AP3S2: variants seen among roughly 807,000 people sequenced by gnomAD.
AP3S2 encodes AP-3 complex subunit sigma-2.
A neutral mutation model predicts 23.4 loss-of-function variants in AP3S2; 22 were observed. That is an observed-to-expected ratio of 0.94 (90% CI 0.67 to 1.34). The LOEUF (loss-of-function observed/expected upper bound fraction) is 1.34, where lower values mean the gene tolerates loss of function less well. Among genes scored for constraint, AP3S2 ranks in the 40% most tolerant of loss-of-function variants. AP3S2 has a pLI of 0.00. For missense variants in AP3S2, 241 were observed against 236.9 expected (o/e 1.02, Z -0.11); for synonymous variants, 86 against 87.1 (o/e 0.99, Z 0.07).
At chr15:89,843,463 C>A (rs1398076290) in intron 4 of AP3S2, among the ~76,000 whole-genome samples, 1 of 151,748 alleles carries the variant, frequency 6.6e-6, no homozygotes, top group Non-Finnish European at 1.5e-5. Context: ...CATGGTGAAA[C>A]CCCGTCTCTA....
intron 4 of AP3S2, among the ~76,000 whole-genome samples, chr15:89,847,580 G>A (rs116745754): frequency 2.0e-5 from 3 of 151,944 alleles, no homozygotes; most frequent in Admixed American, 6.6e-5. Context: ...GCTCTTCAAG[G>A]GTTCCATCCC....
intron 3 of AP3S2, among the ~76,000 whole-genome samples, chr15:89,886,894 A>G (rs936983719): frequency 6.6e-5 from 10 of 152,156 alleles, no homozygotes; most frequent in African/African-American, 2.4e-4. Flanking sequence ...TCCTGGGTTC[A>G]TGCGATTCTC....
At chr15:89,887,061 G>A (rs1303879223) in intron 3 of AP3S2, among the ~76,000 whole-genome samples, 1 of 152,128 alleles carries the variant, frequency 6.6e-6, no homozygotes, top group African/African-American at 2.4e-5. Context: ...CTCCCAAAGT[G>A]CTGGGATTAC....
At chr15:89,879,059 C>T (rs888361748) in intron 3 of AP3S2, among the ~76,000 whole-genome samples, 5 of 152,116 alleles carry the variant, frequency 3.3e-5, no homozygotes, top group African/African-American at 1.2e-4. Flanking sequence ...CTAATTTTTT[C>T]GTAGAGACAA....
intron 4 of AP3S2, among the ~76,000 whole-genome samples, chr15:89,868,627 C>T (rs1387904182): frequency 6.8e-5 from 8 of 116,950 alleles, no homozygotes; most frequent in Non-Finnish European, 1.1e-4. Flanking sequence ...CGCCTCTGCC[C>T]GGCCGCCCCT....
At chr15:89,872,285 A>G (rs1270690491) in intron 3 of AP3S2, among the ~76,000 whole-genome samples, 1 of 152,168 alleles carries the variant, frequency 6.6e-6, no homozygotes, top group African/African-American at 2.4e-5. Flanking sequence ...ACTTCAAAAC[A>G]TCTTCCCTTT....
At chr15:89,865,439 T>G (rs924612686) in intron 4 of AP3S2, 1 of 152,214 alleles carries the variant, frequency 6.6e-6, no homozygotes, top group African/African-American at 2.4e-5. Flanking sequence ...TTCTAATGAT[T>G]ACCACACTGA....
chr15:89,855,475 A>G (rs1336511677), intron 4 of AP3S2, among the ~76,000 whole-genome samples: 1 of 126,908 alleles, frequency 7.9e-6, no homozygotes, highest in Non-Finnish European at 1.6e-5. Flanking sequence ...CTATTGTCCC[A>G]TGACCCTGCC....
In AP3S2 at chr15:89,888,595, G is replaced by A; in HGVS notation, c.199C>T (p.His67Tyr). 4 of 1,614,186 alleles carry A rather than the reference G, an allele frequency of 2.5e-6. No homozygotes were observed. The highest frequency in any genetic ancestry group is 3.4e-6 in the Non-Finnish European group (4 of 1,180,038). Reference sequence around the variant, plus strand: ...AATACAAAGTAGAGGGTAGCATAGTGCCGGTAGATCAGTTTGTAGTCAGAG... The same window carrying A: ...AATACAAAGTAGAGGGTAGCATAGTACCGGTAGATCAGTTTGTAGTCAGAG... ...GGSDYKLIYR[H>Y]YATLYFVFCV... Residue 67 changes from histidine (H) to tyrosine (Y), a missense_variant, in exon 3 of 6, where the codon CAC (histidine) becomes TAC (tyrosine). Transcript: ENST00000336418.
At chr15:89,882,127 ACTCT>A (rs1455236770) in intron 3 of AP3S2, among the ~76,000 whole-genome samples, 1 of 151,830 alleles carries the variant, frequency 6.6e-6, no homozygotes, top group Non-Finnish European at 1.5e-5. Context: ...TGGCTAACAT[ACTCT>A]TTCTAAATAT....
intron 4 of AP3S2, among the ~76,000 whole-genome samples, chr15:89,841,034 G>C (rs1895318261): frequency 6.6e-6 from 1 of 152,162 alleles, no homozygotes; most frequent in African/African-American, 2.4e-5. Flanking sequence ...ATGAATGAAA[G>C]GCTTTCCATA....
At chr15:89,854,570 G>T (rs1450848038) in intron 4 of AP3S2, among the ~76,000 whole-genome samples, 4 of 58,820 alleles carry the variant, frequency 6.8e-5, no homozygotes, top group Admixed American at 1.3e-4. Context: ...GGAGGGAGGT[G>T]GGGGGGGTCA....
chr15:89,846,723 T>TC (rs1895501219), intron 4 of AP3S2, among the ~76,000 whole-genome samples: 1 of 152,160 alleles, frequency 6.6e-6, no homozygotes, highest in East Asian at 1.9e-4. Flanking sequence ...AGACAGGGTT[T>TC]CACTGTGTTA....
intron 4 of AP3S2, among the ~76,000 whole-genome samples, chr15:89,855,587 G>C (rs1396549303): frequency 1.4e-5 from 2 of 142,996 alleles, no homozygotes; most frequent in African/African-American, 5.2e-5. Flanking sequence ...GGTGGCTCAC[G>C]ACTGTAATCC....
chr15:89,837,947 G>A, intron 4 of AP3S2: 1 of 480,078 alleles, frequency 2.1e-6, no homozygotes, highest in Non-Finnish European at 3.8e-6. Context: ...TGGTAGCTAT[G>A]AGCACAGGCT....
intron 4 of AP3S2, among the ~76,000 whole-genome samples, chr15:89,859,135 C>T (rs868215121): frequency 6.6e-6 from 1 of 151,436 alleles, no homozygotes; most frequent in Non-Finnish European, 1.5e-5. Flanking sequence ...TGGGGATTAT[C>T]GTCGTGAGCC....
rs746030417 is a variant in AP3S2 at position 89,832,068 on chromosome 15, A to T, written c.*3447T>A. ...TCTCTCTTAATCTTCAGAGCCTAGA[A>T]CTGAGCTTGGCCCTCACCAGGCACT... On this transcript the variant is annotated 3_prime_UTR_variant, in exon 6 of 6. Coordinates refer to ENST00000336418, the MANE Select transcript of AP3S2 (RefSeq NM_005829.5). 1.3e-5 allele frequency: 2 copies of T among 152,220 alleles called. No homozygotes were observed. Among genetic ancestry groups the T allele is most frequent in the Non-Finnish European group, 2.9e-5 (2 of 68,032 alleles). 9.4% of individuals were successfully genotyped at this position (152,220 alleles called of 1,614,324 possible). A position where few individuals can be genotyped will look rare whatever the true frequency, so the allele number is the denominator to read the frequency against.
At chr15:89,877,883 AT>A (rs1453960750) in intron 3 of AP3S2, among the ~76,000 whole-genome samples, 1 of 152,164 alleles carries the variant, frequency 6.6e-6, no homozygotes, top group Admixed American at 6.5e-5. Context: ...GAAAAATAAG[AT>A]TTTTTTCATA....
At chr15:89,868,850 C>T (rs1896236985) in intron 4 of AP3S2, among the ~76,000 whole-genome samples, 1 of 141,476 alleles carries the variant, frequency 7.1e-6, no homozygotes, top group South Asian at 2.3e-4. Context: ...CGGCCAGCTG[C>T]CCCGTCCGGG....
Sources: gnomAD v4.1 joint callset for allele counts (sites outside exome capture counted in the v4.1 genomes callset) on GRCh38, gnomAD v4.1.1 for gene constraint, MANE v1.5 for transcripts, NCBI Gene and HGNC (gene_info 2026-07-23, HGNC 2026-07-21) for gene names.